The following PDE10A variants were observed in gnomAD, a reference collection of about 807,000 sequenced individuals.
PDE10A encodes the protein phosphodiesterase 10A, also known as cAMP and cAMP-inhibited cGMP 3',5'-cyclic phosphodiesterase 10A.
A neutral mutation model predicts 97.7 loss-of-function variants in PDE10A; 39 were observed. That is an observed-to-expected ratio of 0.40 (90% CI 0.31 to 0.52). The LOEUF (loss-of-function observed/expected upper bound fraction) is 0.52, where lower values mean the gene tolerates loss of function less well. Among genes scored for constraint, PDE10A ranks in the 20% least tolerant of loss-of-function variants. The pLI, the probability that PDE10A is intolerant of heterozygous loss-of-function variation, is 0.56. For synonymous variants in PDE10A, 371 were observed against 376.8 expected, an observed-to-expected ratio of 0.98 and a Z score of 0.18; for missense variants, 731 against 1,047.8, an observed-to-expected ratio of 0.70 and a Z score of 4.17.
At chr6:165,430,140 T>A (rs1789448848) in intron 9 of PDE10A, 147 bp downstream of exon 9, 1 of 597,506 alleles carries the variant, frequency 1.7e-6, no homozygotes, top group Non-Finnish European at 3.0e-6. Flanking sequence ...CTACAATCCA[T>A]AATATGATTA....
At chr6:165,440,773 A>T (rs1002232115) in intron 5 of PDE10A, among the ~76,000 whole-genome samples, 3 of 152,084 alleles carry the variant, frequency 2.0e-5, no homozygotes, top group African/African-American at 7.2e-5. Context: ...TCAAACCTGT[A>T]AATTATGGAA....
intron 1 of PDE10A, among the ~76,000 whole-genome samples, chr6:165,735,739 C>T (rs1159116813): frequency 6.6e-6 from 1 of 152,080 alleles, no homozygotes; most frequent in Non-Finnish European, 1.5e-5. Context: ...GGCAATCTGC[C>T]GTACTCATTC....
intron 1 of PDE10A, among the ~76,000 whole-genome samples, chr6:165,777,276 T>G (rs1284501684): frequency 6.6e-6 from 1 of 152,164 alleles, no homozygotes; most frequent in East Asian, 1.9e-4. Context: ...AGAATGTTTA[T>G]TTGAGGTGGC....
chr6:165,981,218 T>C (rs898317424), intron 1 of PDE10A, among the ~76,000 whole-genome samples: 1 of 152,178 alleles, frequency 6.6e-6, no homozygotes, highest in Non-Finnish European at 1.5e-5. Context: ...GCTTTAGAGC[T>C]TCTGCCAGTA....
chr6:165,580,661 A>G (rs956479951), intron 1 of PDE10A, among the ~76,000 whole-genome samples: 1 of 152,234 alleles, frequency 6.6e-6, no homozygotes, highest in African/African-American at 2.4e-5. Context: ...GAATGAGAAT[A>G]AAGATAAGTA....
intron 1 of PDE10A, among the ~76,000 whole-genome samples, chr6:165,970,073 T>C (rs1562334433): frequency 6.6e-6 from 1 of 152,300 alleles, no homozygotes; most frequent in South Asian, 2.1e-4. Context: ...TTATGATATT[T>C]CCCCCAGCAG....
rs1447174649 is a variant in PDE10A at position 165,671,489 on chromosome 6, C to A, written c.-614-127921G>T. On this transcript the variant is annotated intron_variant, in intron 1 of 19. Coordinates refer to the PDE10A transcript ENST00000366882. This position sits in a 1 kb window ranked among gnomAD's most constrained non-coding sequence, Gnocchi z 4.6. ...GGTCCACCCAGGAAGAGGAAGCCAGCTGCTCATGCTGCCACCTTCCCGTTG... is the reference window on the plus strand; with the variant it reads ...GGTCCACCCAGGAAGAGGAAGCCAGATGCTCATGCTGCCACCTTCCCGTTG... Among the ~76,000 whole-genome samples the A allele has an allele frequency of 6.6e-6, 1 of 152,148 alleles. No individual in the cohort carries two copies. The highest frequency in any genetic ancestry group is 1.5e-5 in the Non-Finnish European group (1 of 68,038).
intron 1 of PDE10A, among the ~76,000 whole-genome samples, chr6:165,763,285 T>A (rs1478139456): frequency 6.6e-6 from 1 of 152,172 alleles, no homozygotes; most frequent in African/African-American, 2.4e-5. Flanking sequence ...TTGACTGACA[T>A]CCCCTCCATG....
chr6:165,896,933 G>A (rs1320275995), intron 1 of PDE10A, among the ~76,000 whole-genome samples: 1 of 152,126 alleles, frequency 6.6e-6, no homozygotes, highest in Non-Finnish European at 1.5e-5. Flanking sequence ...GTCTCTCAAA[G>A]TGCTGGGATT....
At chr6:165,677,781 G>A (rs1790841260) in intron 1 of PDE10A, among the ~76,000 whole-genome samples, 1 of 152,042 alleles carries the variant, frequency 6.6e-6, no homozygotes, top group South Asian at 2.1e-4. Context: ...GTGTGTGTGT[G>A]TAAATGCGGG....
chr6:165,658,688 C>G (rs1355214594), intron 1 of PDE10A, among the ~76,000 whole-genome samples: 1 of 152,262 alleles, frequency 6.6e-6, no homozygotes, highest in African/African-American at 2.4e-5. Context: ...GACTTCTCCG[C>G]TCTCCATTGC....
rs749669996 is a variant in PDE10A at position 165,819,238 on chromosome 6, T to C, written c.-615+168291A>G. Among the ~76,000 whole-genome samples, 12 of 152,154 alleles carry C rather than the reference T, an allele frequency of 7.9e-5. No homozygotes were observed. The highest frequency in any genetic ancestry group is 1.6e-4 in the Non-Finnish European group (11 of 68,026). On this transcript the variant is annotated intron_variant, in intron 1 of 19. Transcript: ENST00000366882. The surrounding 1 kb of genome is among the most constrained non-coding windows in gnomAD (Gnocchi z 4.2). ...GCATCCTGAGCCCAGTCAGCACACG[T>C]TGGGATGATTTTTGACTCCTGCCCT...
chr6:165,395,863 A>G (rs1786119849), intron 14 of PDE10A, among the ~76,000 whole-genome samples: 1 of 152,190 alleles, frequency 6.6e-6, no homozygotes, highest in Non-Finnish European at 1.5e-5. Flanking sequence ...AAATTATCAT[A>G]GGCCCTACCC....
chr6:165,898,219 G>C (rs1361820353), intron 1 of PDE10A, among the ~76,000 whole-genome samples: 2 of 152,096 alleles, frequency 1.3e-5, no homozygotes, highest in African/African-American at 2.4e-5. Flanking sequence ...AGCTCTCACT[G>C]TTTTTACACT....
At chr6:165,340,899 T>A (rs1194390890) in intron 19 of PDE10A, among the ~76,000 whole-genome samples, 2 of 152,184 alleles carry the variant, frequency 1.3e-5, no homozygotes, top group East Asian at 3.9e-4. Flanking sequence ...AGAAGCAGGG[T>A]ACGGATGGAA....
intron 1 of PDE10A, among the ~76,000 whole-genome samples, chr6:165,600,712 C>A (rs1029378503): frequency 5.3e-5 from 8 of 152,192 alleles, no homozygotes; most frequent in African/African-American, 1.9e-4. Flanking sequence ...CAGCCTTTCA[C>A]TCCCACAGTA....
At chr6:165,726,652 T>C (rs990781418) in intron 1 of PDE10A, among the ~76,000 whole-genome samples, 2 of 152,140 alleles carry the variant, frequency 1.3e-5, no homozygotes, top group Non-Finnish European at 2.9e-5. Context: ...TGTTCCTTTG[T>C]TGAGCAGGGA....
intron 2 of PDE10A, among the ~76,000 whole-genome samples, chr6:165,508,424 C>G (rs372304133): frequency 7.2e-5 from 11 of 151,856 alleles, no homozygotes; most frequent in African/African-American, 2.4e-4. Flanking sequence ...GAGTAGCATT[C>G]CTTTGCATGA....
intron 17 of PDE10A, among the ~76,000 whole-genome samples, chr6:165,385,141 G>A (rs879634784): frequency 6.6e-6 from 1 of 152,048 alleles, no homozygotes; most frequent in Non-Finnish European, 1.5e-5. Flanking sequence ...AAGCTTGTAG[G>A]TGTCTTTTGA....
Sources: allele counts gnomAD v4.1 joint callset (sites outside exome capture counted in the v4.1 genomes callset), GRCh38; gene constraint gnomAD v4.1.1; non-coding constraint Gnocchi (gnomAD v3.1); transcripts MANE v1.5; gene names NCBI Gene and HGNC (gene_info 2026-07-23, HGNC 2026-07-21).